MEF2B: variants seen among roughly 807,000 people sequenced by gnomAD.
The protein encoded by MEF2B is myocyte-specific enhancer factor 2B.
MEF2B carries 15 observed loss-of-function variants against 32.2 expected under a neutral mutation model. The observed-to-expected ratio is 0.47, with a 90% CI of 0.31 to 0.72. The LOEUF is 0.72. Among genes scored for constraint, MEF2B ranks in the 30% least tolerant of loss-of-function variants. The pLI is 0.05. For missense variants in MEF2B, 441 were observed against 511.5 expected (o/e 0.86, Z 1.33); for synonymous variants, 205 against 225.6 (o/e 0.91, Z 0.82).
At chr19:19,161,301 C>T (rs988047747) in intron 1 of MEF2B, among the ~76,000 whole-genome samples, 9 of 152,134 alleles carry the variant, frequency 5.9e-5, no homozygotes, top group African/African-American at 2.2e-4. Flanking sequence ...TTGGGGGTCA[C>T]TCCATCCTTG....
chr19:19,152,152 G>A (rs2060087916), intron 1 of MEF2B, among the ~76,000 whole-genome samples: 1 of 151,442 alleles, frequency 6.6e-6, no homozygotes, highest in Non-Finnish European at 1.5e-5. Flanking sequence ...GTAGAGACGA[G>A]GTTTCACCAT....
Position 19,145,665 on chromosome 19 carries a change from C to T in MEF2B, c.*132G>A. 1 of 1,537,040 alleles carries T rather than the reference C, an allele frequency of 6.5e-7. No homozygotes were observed. The highest frequency in any genetic ancestry group is 1.2e-5 in the South Asian group (1 of 83,236). ...AGGGTGGATTGAGTCCAGCCGCCCA[C>T]CTCCAAGCCCCCACCGCGGAGGGGG... On this transcript the variant is annotated 3_prime_UTR_variant, in exon 9 of 9. Transcript: ENST00000424583. This position sits in a 1 kb window ranked among gnomAD's most constrained non-coding sequence, Gnocchi z 4.6.
intron 3 of MEF2B, 98 bp from the exon 4 acceptor site, chr19:19,147,930 C>T: frequency 6.1e-6 from 9 of 1,485,644 alleles, no homozygotes; most frequent in Non-Finnish European, 8.0e-6. Flanking sequence ...CACCCAGCTC[C>T]ATGAGTGGGG....
chr19:19,145,927 G>A lies in MEF2B; in HGVS notation c.977C>T (p.Ala326Val), dbSNP rs2146348503. 2.1e-6 allele frequency: 3 copies of A among 1,441,604 alleles called. No homozygotes were observed. The highest frequency in any genetic ancestry group is 1.5e-5 in the African/African-American group (1 of 68,394). The allele number at this position is 1,441,604 out of a possible 1,614,324, so 89.3% of individuals were successfully genotyped here. A position where few individuals can be genotyped will look rare whatever the true frequency, so the allele number is the denominator to read the frequency against. Residue 326 changes from alanine to valine, a missense_variant, in exon 9 of 9, where the codon GCC becomes GTC. Physicochemically the swap from Ala to Val is moderately conservative, Grantham distance 64 (BLOSUM62 0). Coordinates refer to ENST00000424583, the MANE Select transcript of MEF2B (RefSeq NM_001145785.2). The surrounding 1 kb of genome is among the most constrained non-coding windows in gnomAD (Gnocchi z 4.6). ...AGGAAAGTCGCCGGGGCCCCCGGGG[G>A]CCGGAGAGAGGCGCTCAGACTTGAT... Reference protein sequence around the residue: ...VSIKSERLSPAPGGPGDFPKT... With the variant: ...VSIKSERLSPVPGGPGDFPKT...
chr19:19,154,812 A>G (rs2146365796), intron 1 of MEF2B, among the ~76,000 whole-genome samples: 1 of 152,326 alleles, frequency 6.6e-6, no homozygotes, highest in Non-Finnish European at 1.5e-5. Context: ...CATGGGGAGC[A>G]GGTCTGTTGG....
chr19:19,160,223 G>A (rs2060150280), intron 1 of MEF2B, among the ~76,000 whole-genome samples: 1 of 152,016 alleles, frequency 6.6e-6, no homozygotes, highest in Non-Finnish European at 1.5e-5. Context: ...GCCTGCTTTG[G>A]CCTCCCAAAG....
chr19:19,147,754 A>T lies in MEF2B; in HGVS notation c.337T>A (p.Phe113Ile), dbSNP rs928212693. The change falls in exon 4 of 9, where the codon TTT (phenylalanine) becomes ATT (isoleucine). Residue 113 changes from phenylalanine (F) to isoleucine (I), a missense_variant. Transcript: ENST00000424583. ...CCCCCTTCGCCTGCCAGCCTCCGAAACTTCTCTCCTGGCTCCTCAGGCCCT... is the reference window on the plus strand; with the variant it reads ...CCCCCTTCGCCTGCCAGCCTCCGAATCTTCTCTCCTGGCTCCTCAGGCCCT... ...DEGPEEPGEK[F>I]RRLAGEGGDP... 2 of 1,613,818 alleles carry T rather than the reference A, an allele frequency of 1.2e-6. No individual in the cohort carries two copies. The highest frequency in any genetic ancestry group is 2.7e-5 in the African/African-American group (2 of 74,904).
Position 19,147,485 on chromosome 19 carries a change from G to A in MEF2B, c.393+213C>T, listed in dbSNP as rs553624831. On this transcript the variant is annotated intron_variant, in intron 4 of 8. Coordinates refer to ENST00000424583, the MANE Select transcript of MEF2B (RefSeq NM_001145785.2). ...ATGAATCAAAGATGAAATGAAGGAA[G>A]GAACTGTTTGCCTGTTGAACTCTTA... 5.3e-5 allele frequency among the ~76,000 whole-genome samples: 8 copies of A among 152,194 alleles called. 2 individuals are homozygous for A. Among genetic ancestry groups the A allele is most frequent in the Admixed American group, 1.3e-4 (2 of 15,274 alleles).
intron 1 of MEF2B, among the ~76,000 whole-genome samples, chr19:19,153,622 A>T (rs1377239591): frequency 6.6e-6 from 1 of 151,772 alleles, no homozygotes; most frequent in Non-Finnish European, 1.5e-5. Context: ...ACACCTCGCT[A>T]ATTTTTGTAT....
At chr19:19,166,674 G>A (rs150638225) in intron 1 of MEF2B, among the ~76,000 whole-genome samples, 7 of 151,604 alleles carry the variant, frequency 4.6e-5, no homozygotes, top group African/African-American at 1.7e-4. Flanking sequence ...TGACAGGATG[G>A]CTTGAGCCCA....
rs2060020711 is a variant in MEF2B at position 19,145,862 on chromosome 19, C to T, written c.1042G>A (p.Ala348Thr). 9 of 1,487,090 alleles carry T rather than the reference C, an allele frequency of 6.1e-6. No individual in the cohort carries two copies. In the South Asian group the frequency reaches 1.1e-4, roughly 17 times the overall value. The allele number at this position is 1,487,090 out of a possible 1,614,324, so 92.1% of individuals were successfully genotyped here. A position where few individuals can be genotyped will look rare whatever the true frequency, so the allele number is the denominator to read the frequency against. ...GCGGGCCCAGGCCGCAGAGGCTCTGCCAGGGACCGGGCGAGGAGCAAGGGA... is the reference window on the plus strand; with the variant it reads ...GCGGGCCCAGGCCGCAGAGGCTCTGTCAGGGACCGGGCGAGGAGCAAGGGA... The part of the protein sequence containing the change: ...PYPLLLARSL[A>T]EPLRPGPALR... Residue 348 changes from alanine (A) to threonine (T), a missense_variant, in exon 9 of 9, where the codon GCA becomes ACA. Ala to Thr is a moderately conservative substitution (Grantham distance 58). This residue lies in a region of MEF2B where 326 missense variants were observed against 328.4 expected (regional missense o/e 0.99). Coordinates refer to ENST00000424583, the MANE Select transcript of MEF2B (RefSeq NM_001145785.2). The surrounding 1 kb of genome is among the most constrained non-coding windows in gnomAD (Gnocchi z 4.6).
At chr19:19,170,070 C>T (rs2060241843) in intron 1 of MEF2B, 135 bp downstream of exon 1, 1 of 397,188 alleles carries the variant, frequency 2.5e-6, no homozygotes. Context: ...ACTCACCACC[C>T]CACGACACAC....
At chr19:19,154,453 C>T (rs189295638) in intron 1 of MEF2B, among the ~76,000 whole-genome samples, 3 of 151,190 alleles carry the variant, frequency 2.0e-5, no homozygotes, top group Admixed American at 1.3e-4. Flanking sequence ...TGAGCCACCG[C>T]GCCCAGCCTT....
At chr19:19,150,130 A>AGGAAGGAG (rs1380707039) in intron 2 of MEF2B, among the ~76,000 whole-genome samples, 35 of 126,882 alleles carry the variant, frequency 2.8e-4, no homozygotes, top group African/African-American at 9.1e-4. Context: ...GAGGGATGGA[A>AGGAAGGAG]GGAAGGAGGG....
chr19:19,169,719 G>A (rs1381537440), intron 1 of MEF2B, among the ~76,000 whole-genome samples: 3 of 152,124 alleles, frequency 2.0e-5, no homozygotes, highest in Non-Finnish European at 4.4e-5. Flanking sequence ...GTTGGCCCCG[G>A]CAGCTGTTGC....
intron 1 of MEF2B, among the ~76,000 whole-genome samples, chr19:19,167,364 A>G (rs1680278817): frequency 7.7e-6 from 1 of 129,082 alleles, no homozygotes; most frequent in Non-Finnish European, 1.8e-5. Flanking sequence ...AAAAAAAAAA[A>G]AAAAAAAATT....
intron 1 of MEF2B, among the ~76,000 whole-genome samples, chr19:19,152,669 G>C (rs1246357758): frequency 6.6e-6 from 1 of 152,208 alleles, no homozygotes; most frequent in African/African-American, 2.4e-5. Context: ...CCGAGATTTT[G>C]ACAGGCTGGG....
In MEF2B at chr19:19,146,848, C is replaced by T. The variant is rs1411328422; in HGVS notation, c.569G>A (p.Ser190Asn). ...GGGTGGTGTCTTGCTGGTGAGGTGGCTTGGTGAGAAGAGAGGGTGCACCAG... is the reference window on the plus strand; with the variant it reads ...GGGTGGTGTCTTGCTGGTGAGGTGGTTTGGTGAGAAGAGAGGGTGCACCAG... ...PGLVHPLFSP[S>N]HLTSKTPPPL... Residue 190 changes from serine to asparagine, a missense_variant, in exon 6 of 9, where the codon AGC (serine) becomes AAC (asparagine). Physicochemically the swap from Ser to Asn is conservative, Grantham distance 46 (BLOSUM62 1). This residue lies in a region of MEF2B where 326 missense variants were observed against 328.4 expected (regional missense o/e 0.99). Transcript: ENST00000424583. The T allele has an allele frequency of 1.2e-6, 2 of 1,613,366 alleles. No homozygotes were observed. Among genetic ancestry groups the T allele is most frequent in the Admixed American group, 1.7e-5 (1 of 59,982 alleles).
At chr19:19,164,726 A>G (rs2060193266) in intron 1 of MEF2B, among the ~76,000 whole-genome samples, 1 of 152,194 alleles carries the variant, frequency 6.6e-6, no homozygotes, top group South Asian at 2.1e-4. Flanking sequence ...AGGCAGGAGA[A>G]TCACTTGAAC....
Sources: allele counts gnomAD v4.1 joint callset (sites outside exome capture counted in the v4.1 genomes callset), GRCh38; gene constraint gnomAD v4.1.1; regional missense constraint gnomAD v4.1.1; non-coding constraint Gnocchi (gnomAD v3.1); transcripts MANE v1.5; gene names NCBI Gene and HGNC (gene_info 2026-07-23, HGNC 2026-07-21).